The following BCL2L13 variants were observed in gnomAD, a reference collection of about 807,000 sequenced individuals.
BCL2L13 encodes bcl-2-like protein 13.
Under a neutral mutation model 25.8 loss-of-function variants are expected in BCL2L13, and 13 were observed. The observed-to-expected ratio is 0.50, with a 90% confidence interval of 0.33 to 0.80. The LOEUF (loss-of-function observed/expected upper bound fraction) is 0.80, where lower values mean the gene tolerates loss of function less well. Ranked by LOEUF, BCL2L13 falls within the 30% of genes least tolerant of loss-of-function variation. The pLI is 0.02. For synonymous variants in BCL2L13, 244 were observed against 230.3 expected (o/e 1.06, Z -0.54); for missense variants, 504 against 574.9 (o/e 0.88, Z 1.26).
chr22:17,687,708 G>A (rs1261785571), intron 3 of BCL2L13, among the ~76,000 whole-genome samples: 7 of 151,888 alleles, frequency 4.6e-5, no homozygotes, highest in Non-Finnish European at 7.4e-5. Context: ...TAGTAGAGAC[G>A]GGGTTTCACC....
At chr22:17,629,815 TCATA>T (rs1264522424) in intron 1 of BCL2L13, among the ~76,000 whole-genome samples, 54 of 115,268 alleles carry the variant, frequency 4.7e-4, no homozygotes, top group African/African-American at 1.5e-3. Context: ...CACTTTATTT[TCATA>T]CACACACACA....
intron 6 of BCL2L13, among the ~76,000 whole-genome samples, chr22:17,709,362 A>G (rs1043223103): frequency 6.6e-6 from 1 of 152,222 alleles, no homozygotes; most frequent in Non-Finnish European, 1.5e-5. Flanking sequence ...TGGGAGGCCA[A>G]GGTGGGCAGA....
intron 3 of BCL2L13, among the ~76,000 whole-genome samples, chr22:17,683,649 A>G (rs1725322653): frequency 6.6e-6 from 1 of 152,270 alleles, no homozygotes; most frequent in Admixed American, 6.5e-5. Flanking sequence ...TAATAACGAC[A>G]TAAAAAGGAA....
chr22:17,631,105 A>ATTT (rs3044580), intron 1 of BCL2L13, among the ~76,000 whole-genome samples: 37 of 143,406 alleles, frequency 2.6e-4, no homozygotes, highest in Non-Finnish European at 4.8e-4. Flanking sequence ...AAATCACTCA[A>ATTT]TTTTTTTTTT....
intron 6 of BCL2L13, among the ~76,000 whole-genome samples, chr22:17,707,969 A>G (rs549891486): frequency 1.3e-5 from 2 of 152,314 alleles, no homozygotes; most frequent in South Asian, 4.1e-4. Context: ...TCTCTGAGCA[A>G]TTGTCAACCT....
rs1290585307 is a variant in BCL2L13, at chr22:17,693,376, T to TTG, written c.387-2764_387-2763insGT. Among the ~76,000 whole-genome samples the TTG allele has an allele frequency of 4.2e-3, 325 of 76,894 alleles. 5 individuals carry two copies. Among genetic ancestry groups the TTG allele is most frequent in the African/African-American group, 0.015 (274 of 18,424 alleles). 50.4% of individuals were successfully genotyped at this position (76,894 alleles called of 152,430 possible). A position where few individuals can be genotyped will look rare whatever the true frequency, so the allele number is the denominator to read the frequency against. On this transcript the variant is annotated intron_variant, in intron 4 of 6. Transcript: ENST00000317582. The stretch of plus-strand genomic sequence containing the variant: ...TTATTTATTTATTTAGTGTTTGTTT[T>TTG]TTTTTTTTTTTTTTTTTTTTGGAGA...
Position 17,631,670 on chromosome 22 carries a change from G to GTGTATTTATATA in BCL2L13, c.-650+2666_-650+2667insGTATTTATATAT, listed in dbSNP as rs1203626385. Among the ~76,000 whole-genome samples, 36 of 26,878 alleles carry GTGTATTTATATA rather than the reference G, an allele frequency of 1.3e-3. 1 individual carries two copies. Among genetic ancestry groups the GTGTATTTATATA allele is most frequent in the Admixed American group, 3.6e-3 (7 of 1,934 alleles). 17.6% of individuals were successfully genotyped at this position (26,878 alleles called of 152,430 possible). A position where few individuals can be genotyped will look rare whatever the true frequency, so the allele number is the denominator to read the frequency against. On this transcript the variant is annotated intron_variant, in intron 1 of 6. Coordinates refer to the BCL2L13 transcript ENST00000399782. ...CGTGTGTGTATGTATGTGTGTGTGTGTATATATATATATATATATATATAT... is the reference window on the plus strand; with the variant it reads ...CGTGTGTGTATGTATGTGTGTGTGTGTGTATTTATATATATATATATATATATATATATATAT...
In BCL2L13 at chr22:17,687,538, C is replaced by A. The variant is rs185808336; in HGVS notation, c.230-1448C>A. 2.0e-3 allele frequency among the ~76,000 whole-genome samples: 307 copies of A among 151,568 alleles called. 2 individuals carry two copies. The highest frequency in any genetic ancestry group is 7.0e-3 in the African/African-American group (290 of 41,340). Reference sequence around the variant, plus strand: ...TTATTATTATTTTCTTTTTTTTGAGCCAGAGTCTCGCTCTGTCACCCAGGC... The same window carrying A: ...TTATTATTATTTTCTTTTTTTTGAGACAGAGTCTCGCTCTGTCACCCAGGC... On this transcript the variant is annotated intron_variant, in intron 3 of 6. Transcript: ENST00000317582.
At chr22:17,683,791 TACTA>T (rs1316776722) in intron 3 of BCL2L13, among the ~76,000 whole-genome samples, 1 of 151,634 alleles carries the variant, frequency 6.6e-6, no homozygotes, top group Non-Finnish European at 1.5e-5. Flanking sequence ...ATAGTTACTC[TACTA>T]ACTGCGTGAA....
intron 2 of BCL2L13, among the ~76,000 whole-genome samples, chr22:17,680,215 C>CAAAAAAAGA (rs553172911): frequency 3.0e-5 from 2 of 67,058 alleles, no homozygotes; most frequent in African/African-American, 1.1e-4. Context: ...AACTCTCTCT[C>CAAAAAAAGA]AAAAAAAAAA....
intron 6 of BCL2L13, among the ~76,000 whole-genome samples, chr22:17,706,321 T>C (rs1176894482): frequency 6.6e-6 from 1 of 150,992 alleles, no homozygotes; most frequent in Non-Finnish European, 1.5e-5. Flanking sequence ...GTTTTCTCTT[T>C]CTACCTTGTT....
At chr22:17,687,681 T>TA (rs933450311) in intron 3 of BCL2L13, among the ~76,000 whole-genome samples, 3 of 152,046 alleles carry the variant, frequency 2.0e-5, no homozygotes, top group African/African-American at 7.2e-5. Context: ...CAGGCCCAGC[T>TA]AATTTTTTTG....
At chr22:17,697,484 G>A (rs2145680232) in intron 5 of BCL2L13, among the ~76,000 whole-genome samples, 1 of 152,250 alleles carries the variant, frequency 6.6e-6, no homozygotes, top group South Asian at 2.1e-4. Flanking sequence ...CGGGGGACAT[G>A]TATGTGCAGG....
chr22:17,667,907 C>T (rs1202980799), intron 2 of BCL2L13, among the ~76,000 whole-genome samples: 1 of 145,024 alleles, frequency 6.9e-6, no homozygotes, highest in Non-Finnish European at 1.5e-5. Context: ...TACTTACTTT[C>T]TTGGCAGTAT....
chr22:17,639,177 C>T (rs1213705825), intron 1 of BCL2L13, among the ~76,000 whole-genome samples: 6 of 152,238 alleles, frequency 3.9e-5, no homozygotes, highest in African/African-American at 1.4e-4. Context: ...ACGCCGCTGT[C>T]CTTCCCCACA....
chr22:17,681,317 T>C (rs919646604), intron 2 of BCL2L13, among the ~76,000 whole-genome samples: 6 of 151,760 alleles, frequency 4.0e-5, no homozygotes, highest in Admixed American at 1.3e-4. Flanking sequence ...CCATCCTGGC[T>C]AACACGCTGA....
chr22:17,675,436 G>A (rs1197230864), intron 2 of BCL2L13, among the ~76,000 whole-genome samples: 5 of 152,144 alleles, frequency 3.3e-5, no homozygotes, highest in Admixed American at 3.3e-4. Flanking sequence ...TTAAGGGGAG[G>A]TCAAGAGTAG....
chr22:17,636,731 G>A (rs1768162917), upstream of BCL2L13, among the ~76,000 whole-genome samples: 1 of 152,060 alleles, frequency 6.6e-6, no homozygotes, highest in Non-Finnish European at 1.5e-5. Flanking sequence ...AGGAGGTGAG[G>A]TTCAGTGAGC....
intron 2 of BCL2L13, among the ~76,000 whole-genome samples, chr22:17,659,441 C>T (rs1238952855): frequency 6.9e-6 from 1 of 145,230 alleles, no homozygotes; most frequent in Non-Finnish European, 1.6e-5. Context: ...GCGGGTGGAT[C>T]ACGAGGTCAG....
Sources: allele counts gnomAD v4.1 joint callset (sites outside exome capture counted in the v4.1 genomes callset), GRCh38; gene constraint gnomAD v4.1.1; transcripts MANE v1.5; gene names NCBI Gene and HGNC (gene_info 2026-07-23, HGNC 2026-07-21).